The following SLCO1B1 variants were observed in gnomAD, a reference collection of about 807,000 sequenced individuals.
SLCO1B1 encodes the protein OATP-2.
Under a neutral mutation model 70.1 loss-of-function variants are expected in SLCO1B1, and 81 were observed. The observed-to-expected ratio is 1.16, with a 90% CI of 0.97 to 1.39. The LOEUF (loss-of-function observed/expected upper bound fraction) is 1.39, where lower values mean the gene tolerates loss of function less well. Ranked by LOEUF, SLCO1B1 falls within the 40% of genes most tolerant of loss-of-function variation. The probability of loss-of-function intolerance (pLI) is 0.00; values close to 1 mark genes in which losing one functional copy is unlikely to be tolerated. For synonymous variants in SLCO1B1, 283 were observed against 271.5 expected (o/e 1.04, Z -0.42); for missense variants, 895 against 799.6 (o/e 1.12, Z -1.44).
chr12:21,238,850 A>G, intron 14 of SLCO1B1, 129 bp from the exon 15 acceptor site: 1 of 515,156 alleles, frequency 1.9e-6, no homozygotes, highest in South Asian at 2.9e-5. Context: ...AAAAAGAATT[A>G]TTAGAATTAT....
At chr12:21,164,821 A>C (rs1057435191) in intron 2 of SLCO1B1, 1 of 491,154 alleles carries the variant, frequency 2.0e-6, no homozygotes, top group African/African-American at 1.9e-5. Flanking sequence ...CTGTAAGGTC[A>C]GAATAGTCCC....
intron 2 of SLCO1B1, among the ~76,000 whole-genome samples, chr12:21,160,864 C>G (rs1387700512): frequency 3.9e-5 from 6 of 152,008 alleles, no homozygotes; most frequent in Non-Finnish European, 8.8e-5. Flanking sequence ...TGAACAGACA[C>G]TTTTCAAAAG....
At chr12:21,188,861 C>T (rs1940993362) in intron 7 of SLCO1B1, among the ~76,000 whole-genome samples, 1 of 152,166 alleles carries the variant, frequency 6.6e-6, no homozygotes, top group East Asian at 1.9e-4. Context: ...TGAATGTAAT[C>T]ATGTAGTATA....
chr12:21,150,601 G>C (rs188499731), intron 2 of SLCO1B1, among the ~76,000 whole-genome samples: 2 of 152,232 alleles, frequency 1.3e-5, no homozygotes, highest in Admixed American at 1.3e-4. Flanking sequence ...GCAGCTGAGG[G>C]GCCTGACTGT....
At chr12:21,181,731 G>A (rs1460198972) in intron 7 of SLCO1B1, among the ~76,000 whole-genome samples, 1 of 152,002 alleles carries the variant, frequency 6.6e-6, no homozygotes, top group African/African-American at 2.4e-5. Context: ...GTGGACCCAT[G>A]AACAATAGGT....
intron 2 of SLCO1B1, among the ~76,000 whole-genome samples, chr12:21,166,391 C>T (rs1225590233): frequency 6.6e-6 from 1 of 151,970 alleles, no homozygotes; most frequent in Admixed American, 6.6e-5. Flanking sequence ...AATGATATAT[C>T]CAATAAAGAA....
At chr12:21,179,749 A>T (rs898338672) in intron 7 of SLCO1B1, among the ~76,000 whole-genome samples, 1 of 152,056 alleles carries the variant, frequency 6.6e-6, no homozygotes, top group African/African-American at 2.4e-5. Flanking sequence ...ATGTTGATAG[A>T]TCTAGCTGGA....
At chr12:21,137,056 A>G (rs1197424696) in intron 1 of SLCO1B1, among the ~76,000 whole-genome samples, 3 of 151,948 alleles carry the variant, frequency 2.0e-5, no homozygotes, top group Non-Finnish European at 4.4e-5. Context: ...AACAGACAGG[A>G]CCCTCAGCTG....
At chr12:21,152,533 C>CTTTTTGTTTTTTTTTTTTTTTT (rs1940485282) in intron 2 of SLCO1B1, among the ~76,000 whole-genome samples, 2 of 34,356 alleles carry the variant, frequency 5.8e-5, no homozygotes, top group Non-Finnish European at 1.0e-4. Flanking sequence ...AGAGGAGAGG[C>CTTTTTGTTTTTTTTTTTTTTTT]TTTTTTTTTT....
rs1166949289 is a variant in SLCO1B1 at position 21,197,155 on chromosome 12, A to G, written c.937A>G (p.Asn313Asp). 2 of 1,613,512 alleles carry G rather than the reference A, an allele frequency of 1.2e-6. No individual in the cohort carries two copies. The highest frequency in any genetic ancestry group is 2.2e-5 in the East Asian group (1 of 44,824). The stretch of plus-strand genomic sequence containing the variant: ...AAAGGATCAAACAGCTAATTTGACC[A>G]ATCAAGGAAAAAATATTACCAAAAA... ...DEKDQTANLT[N>D]QGKNITKNVT... The change falls in exon 8 of 15, where the codon AAT (asparagine) becomes GAT (aspartate). Residue 313 changes from asparagine to aspartate, a missense_variant. By Grantham distance (23) the Asn-to-Asp change is conservative. Coordinates refer to ENST00000256958, the MANE Select transcript of SLCO1B1 (RefSeq NM_006446.5).
intron 2 of SLCO1B1, among the ~76,000 whole-genome samples, chr12:21,152,533 C>CTGTTTTTTTTTTT (rs1940484981): frequency 1.5e-4 from 5 of 34,358 alleles, no homozygotes; most frequent in Non-Finnish European, 2.1e-4. Context: ...AGAGGAGAGG[C>CTGTTTTTTTTTTT]TTTTTTTTTT....
intron 7 of SLCO1B1, among the ~76,000 whole-genome samples, chr12:21,182,881 T>A (rs1388628511): frequency 6.6e-6 from 1 of 152,164 alleles, no homozygotes; most frequent in East Asian, 1.9e-4. Flanking sequence ...GAGACATGCC[T>A]CATTTCATAG....
intron 14 of SLCO1B1, among the ~76,000 whole-genome samples, chr12:21,238,004 C>T (rs547201785): frequency 6.6e-6 from 1 of 152,298 alleles, no homozygotes; most frequent in Admixed American, 6.5e-5. Context: ...TGATCCACTG[C>T]ACCTGGCCAG....
intron 12 of SLCO1B1, among the ~76,000 whole-genome samples, chr12:21,221,996 A>G (rs537207498): frequency 2.6e-5 from 4 of 152,218 alleles, no homozygotes; most frequent in Non-Finnish European, 5.9e-5. Context: ...AAAAATCAGT[A>G]TCTTCAGAGG....
At chr12:21,151,333 G>T (rs1940468147) in intron 2 of SLCO1B1, among the ~76,000 whole-genome samples, 1 of 152,030 alleles carries the variant, frequency 6.6e-6, no homozygotes. Flanking sequence ...GGGTTGCCTG[G>T]GTGTTTGCAA....
chr12:21,238,826 C>T (rs1034788809), intron 14 of SLCO1B1, among the ~76,000 whole-genome samples, 153 bp from the exon 15 acceptor site: 10 of 151,828 alleles, frequency 6.6e-5, no homozygotes, highest in Admixed American at 3.3e-4. Flanking sequence ...AAATATCTAT[C>T]GTTATGCCCC....
At chr12:21,219,531 A>G (rs1941398488) in intron 12 of SLCO1B1, among the ~76,000 whole-genome samples, 1 of 152,198 alleles carries the variant, frequency 6.6e-6, no homozygotes, top group Non-Finnish European at 1.5e-5. Context: ...AAGGGGATTT[A>G]AGCATTAGTA....
intron 12 of SLCO1B1, 90 bp from the exon 13 acceptor site, chr12:21,222,210 G>T: frequency 2.0e-6 from 1 of 506,372 alleles, no homozygotes; most frequent in Non-Finnish European, 3.5e-6. Context: ...ATTCTATCAT[G>T]GAGAAAAACA....
chr12:21,166,697 A>T (rs778889247), intron 2 of SLCO1B1, among the ~76,000 whole-genome samples: 37 of 152,210 alleles, frequency 2.4e-4, no homozygotes, highest in Non-Finnish European at 4.7e-4. Context: ...AGAATGCAAA[A>T]TAGTGCAGCC....
Sources: gnomAD v4.1 joint callset for allele counts (sites outside exome capture counted in the v4.1 genomes callset) on GRCh38, gnomAD v4.1.1 for gene constraint, MANE v1.5 for transcripts, NCBI Gene and HGNC (gene_info 2026-07-23, HGNC 2026-07-21) for gene names.